ATP11A: variants seen among roughly 807,000 people sequenced by gnomAD.
ATP11A encodes the protein ATPase phospholipid transporting 11A, also known as phospholipid-transporting ATPase IH.
A neutral mutation model predicts 154.4 loss-of-function variants in ATP11A; 81 were observed. The observed-to-expected ratio is 0.52, with a 90% CI of 0.44 to 0.63. ATP11A has a LOEUF of 0.63. ATP11A is among the 30% of genes least tolerant of loss of function. ATP11A has a pLI of 0.00. For synonymous variants in ATP11A, 623 were observed against 585.9 expected (o/e 1.06, Z -0.91); for missense variants, 1,316 against 1,474.3 (o/e 0.89, Z 1.76).
intron 5 of ATP11A, among the ~76,000 whole-genome samples, chr13:112,815,519 C>T (rs1800699559): frequency 2.0e-5 from 3 of 152,240 alleles, no homozygotes; most frequent in African/African-American, 7.2e-5. Context: ...ACAGCCCAGG[C>T]CACTGAGATG....
intron 2 of ATP11A, 103 bp from the exon 3 acceptor site, chr13:112,804,854 C>A: frequency 1.6e-6 from 1 of 621,902 alleles, no homozygotes; most frequent in Non-Finnish European, 2.7e-6. Context: ...TAAAGCTAAA[C>A]ATTTTGTACT....
chr13:112,700,734 C>T (rs1461640887), intron 1 of ATP11A, among the ~76,000 whole-genome samples: 1 of 152,226 alleles, frequency 6.6e-6, no homozygotes, highest in African/African-American at 2.4e-5. Flanking sequence ...GTTCCACGGC[C>T]ACTCCAACAT....
chr13:112,831,054 G>A (rs766257517), intron 12 of ATP11A, among the ~76,000 whole-genome samples: 1 of 152,136 alleles, frequency 6.6e-6, no homozygotes, highest in Non-Finnish European at 1.5e-5. Flanking sequence ...CCCCACCCAT[G>A]TCTCTGTCCC....
At chr13:112,880,511 GC>G in intron 29 of ATP11A, 1 of 1,286,352 alleles carries the variant, frequency 7.8e-7, no homozygotes. Flanking sequence ...GCCCCGTGTG[GC>G]CCACGTCGCT....
At chr13:112,692,538 G>T (rs1170125418) in intron 1 of ATP11A, among the ~76,000 whole-genome samples, 1 of 152,086 alleles carries the variant, frequency 6.6e-6, no homozygotes, top group Non-Finnish European at 1.5e-5. Flanking sequence ...ATTCCCCTTT[G>T]CTGTATTATT....
chr13:112,708,909 A>C (rs1887447748), intron 1 of ATP11A, among the ~76,000 whole-genome samples: 1 of 152,228 alleles, frequency 6.6e-6, no homozygotes, highest in South Asian at 2.1e-4. Flanking sequence ...GGGCCTGGCC[A>C]AGGAAGAGAG....
intron 2 of ATP11A, among the ~76,000 whole-genome samples, chr13:112,797,136 A>G (rs2078020156): frequency 6.6e-6 from 1 of 152,036 alleles, no homozygotes; most frequent in Admixed American, 6.6e-5. Context: ...TAAAAAAATT[A>G]GCCAGGTGTG....
At chr13:112,742,714 G>C (rs1366872408) in intron 1 of ATP11A, among the ~76,000 whole-genome samples, 2 of 152,214 alleles carry the variant, frequency 1.3e-5, no homozygotes. Context: ...GTGACGGCCG[G>C]CCTTCGCCCT....
intron 1 of ATP11A, among the ~76,000 whole-genome samples, chr13:112,779,209 T>TAC (rs1314486388): frequency 1.7e-5 from 2 of 120,976 alleles, no homozygotes; most frequent in African/African-American, 3.3e-5. Flanking sequence ...GCCACTGGAG[T>TAC]GAGTAGCCGC....
At chr13:112,784,481 T>G (rs898896234) in intron 1 of ATP11A, among the ~76,000 whole-genome samples, 2 of 151,696 alleles carry the variant, frequency 1.3e-5, no homozygotes, top group Non-Finnish European at 2.9e-5. Flanking sequence ...AACATCACTG[T>G]CTCTTCTGTT....
intron 18 of ATP11A, among the ~76,000 whole-genome samples, chr13:112,852,343 T>C (rs561931796): frequency 1.3e-5 from 2 of 152,362 alleles, no homozygotes; most frequent in South Asian, 4.1e-4. Flanking sequence ...CTGAGCGTGT[T>C]GAACAAATGT....
intron 26 of ATP11A, among the ~76,000 whole-genome samples, chr13:112,872,427 A>G (rs2140416823): frequency 6.6e-6 from 1 of 152,348 alleles, no homozygotes; most frequent in African/African-American, 2.4e-5. Context: ...CCTGGCCAAC[A>G]TGGCAAAACC....
chr13:112,802,261 G>A lies in ATP11A; in HGVS notation c.163-2696G>A, dbSNP rs111627078. On this transcript the variant is annotated intron_variant, in intron 2 of 29. Transcript: ENST00000375645. ...CTCAGGAGGCTGAGGCAGGAGAATGGCGCGAACCCAGGAGGCAGAGCTTGC... is the reference window on the plus strand; with the variant it reads ...CTCAGGAGGCTGAGGCAGGAGAATGACGCGAACCCAGGAGGCAGAGCTTGC... 6.0e-3 allele frequency among the ~76,000 whole-genome samples: 920 copies of A among 152,220 alleles called. 9 individuals carry two copies. The highest frequency in any genetic ancestry group is 0.027 in the Middle Eastern group (8 of 294).
chr13:112,762,277 C>A lies in ATP11A; in HGVS notation c.40-22858C>A, dbSNP rs548548161. ...GAGGTTGGAATCTGTACTGTGGAGA[C>A]TGTGGCATTTCTGCATCATTCCTGA... On this transcript the variant is annotated intron_variant, in intron 1 of 29. Transcript: ENST00000375645. Among the ~76,000 whole-genome samples the A allele has an allele frequency of 6.6e-5, 10 of 152,238 alleles. No homozygotes were observed. The South Asian group carries it at 2.1e-3, about 32-fold the overall frequency.
At chr13:112,816,563 T>A (rs1210227271) in intron 6 of ATP11A, among the ~76,000 whole-genome samples, 3 of 152,170 alleles carry the variant, frequency 2.0e-5, no homozygotes, top group African/African-American at 7.2e-5. Flanking sequence ...AGCCATAACC[T>A]ACTCGATGCG....
chr13:112,842,825 G>A (rs1277132020), intron 17 of ATP11A, among the ~76,000 whole-genome samples: 1 of 152,236 alleles, frequency 6.6e-6, no homozygotes, highest in East Asian at 1.9e-4. Flanking sequence ...TGGGTCTTAA[G>A]CTTGTATGAT....
At chr13:112,698,764 C>T (rs1886174568) in intron 1 of ATP11A, among the ~76,000 whole-genome samples, 1 of 152,162 alleles carries the variant, frequency 6.6e-6, no homozygotes, top group East Asian at 1.9e-4. Flanking sequence ...GTCACCCAGG[C>T]TGGAGTGGGT....
chr13:112,791,062 C>T (rs1291346295), intron 2 of ATP11A, among the ~76,000 whole-genome samples: 2 of 152,236 alleles, frequency 1.3e-5, no homozygotes, highest in Non-Finnish European at 2.9e-5. Flanking sequence ...AAAGTCGACG[C>T]AGTCTCAGGC....
chr13:112,850,182 G>T (rs1442322654), intron 17 of ATP11A, among the ~76,000 whole-genome samples: 2 of 152,160 alleles, frequency 1.3e-5, no homozygotes, highest in African/African-American at 4.8e-5. Flanking sequence ...GGAAAACATT[G>T]TTTCAACTCT....
Sources: gnomAD v4.1 joint callset for allele counts (sites outside exome capture counted in the v4.1 genomes callset) on GRCh38, gnomAD v4.1.1 for gene constraint, MANE v1.5 for transcripts, NCBI Gene and HGNC (gene_info 2026-07-23, HGNC 2026-07-21) for gene names.